CHPF: variants seen among roughly 807,000 people sequenced by gnomAD.
CHPF encodes chondroitin polymerizing factor, also known as chondroitin polymerizing factor, non-catalytic subunit.
A neutral mutation model predicts 55.1 loss-of-function variants in CHPF; 34 were observed. The observed-to-expected ratio is 0.62, with a 90% confidence interval of 0.47 to 0.82. CHPF has a LOEUF of 0.82. Among genes scored for constraint, CHPF ranks in the 40% least tolerant of loss-of-function variants. CHPF has a pLI of 0.00. For missense variants in CHPF, 961 were observed against 1,106.1 expected (o/e 0.87, Z 1.86); for synonymous variants, 489 against 496.6 (o/e 0.98, Z 0.20).
chr2:219,540,663 A>T, intron 3 of CHPF, 21 bp from the exon 4 acceptor site: 1 of 1,566,622 alleles, frequency 6.4e-7, no homozygotes, highest in Admixed American at 1.8e-5. Context: ...GAAACAGGCC[A>T]TCAGCAAGGG....
In CHPF at chr2:219,543,693, C is replaced by G. The variant is rs555212430; in HGVS notation, c.-155G>C. On this transcript the variant is annotated 5_prime_UTR_variant, in exon 1 of 4. Coordinates refer to ENST00000243776, the MANE Select transcript of CHPF (RefSeq NM_024536.6). ...CGCAGAGCAGAGCCAGCGGCCCGAG[C>G]CGAATCCCCGGAGCCGCGCCTCGAT... 1 of 488,640 alleles carries G rather than the reference C, an allele frequency of 2.0e-6. No homozygotes were observed. The highest frequency in any genetic ancestry group is 3.3e-6 in the Non-Finnish European group (1 of 298,886). The allele number at this position is 488,640 out of a possible 1,614,324, so 30.3% of individuals were successfully genotyped here.
rs1695285130 is a variant in CHPF, at chr2:219,542,152, T to C, written c.352A>G (p.Arg118Gly). The change falls in exon 2 of 4, where the codon AGG (arginine) becomes GGG (glycine). Residue 118 changes from arginine to glycine, a missense_variant. Physicochemically the swap from Arg to Gly is moderately radical, Grantham distance 125 (BLOSUM62 -2). Coordinates refer to ENST00000243776, the MANE Select transcript of CHPF (RefSeq NM_024536.6). ...GAGGTCAGCACCGCCACCAGCAGCC[T>C]CTGCCTGATGCCCAGCTCCGTGCTG... Reference protein sequence around the residue: ...YISTELGIRQRLLVAVLTSQT... With the variant: ...YISTELGIRQGLLVAVLTSQT... 6.5e-7 allele frequency: 1 copy of C among 1,534,212 alleles called. No individual in the cohort carries two copies. The highest frequency in any genetic ancestry group is 1.4e-5 in the African/African-American group (1 of 72,676).
rs751248167 is a variant in CHPF, at chr2:219,543,374, G to A, written c.165C>T (p.Asn55=). The part of the protein sequence containing the change: ...PGDSELPPRG[N]TNAARRPNSV... ...AGTTGGGCCGGCGCGCCGCGTTGGT[G>A]TTGCCGCGCGGCGGCAGCTCAGAGT... Residue 55 remains asparagine, a synonymous_variant, in exon 1 of 4, where the codon AAC becomes AAT. Transcript: ENST00000243776. 3 of 1,560,714 alleles carry A rather than the reference G, an allele frequency of 1.9e-6. No homozygotes were observed. Among genetic ancestry groups the A allele is most frequent in the Non-Finnish European group, 2.6e-6 (3 of 1,163,292 alleles).
In CHPF at chr2:219,542,196, G is replaced by C; in HGVS notation, c.315-7C>G. 1 of 1,057,324 alleles carries C rather than the reference G, an allele frequency of 9.5e-7. No homozygotes were observed. Among genetic ancestry groups the C allele is most frequent in the Non-Finnish European group, 1.2e-6 (1 of 838,176 alleles). The allele number at this position is 1,057,324 out of a possible 1,614,324, so 65.5% of individuals were successfully genotyped here. A position where few individuals can be genotyped will look rare whatever the true frequency, so the allele number is the denominator to read the frequency against. On this transcript the variant is annotated splice_polypyrimidine_tract_variant and splice_region_variant and intron_variant, in intron 1 of 3. Transcript: ENST00000243776. ...CGTGCTGATGTAGCGGGTCCTAGGG[G>C]AGGAGATGGCACAAGCTTATCAAAA...
At chr2:219,542,273 G>A in intron 1 of CHPF, 84 bp from the exon 2 acceptor site, 1 of 994,180 alleles carries the variant, frequency 1.0e-6, no homozygotes. Flanking sequence ...ACCCTGGCAG[G>A]TCACGTCTTC....
In CHPF at chr2:219,543,270, G is replaced by C. The variant is rs761060261; in HGVS notation, c.269C>G (p.Pro90Arg). Residue 90 changes from proline (P) to arginine (R), a missense_variant, in exon 1 of 4, where the codon CCC (proline) becomes CGC (arginine). Physicochemically the swap from Pro to Arg is moderately radical, Grantham distance 103 (BLOSUM62 -2). Around this residue, in one of 3 missense-constraint regions of CHPF, gnomAD observed 936 missense variants for 1,058.4 expected, o/e 0.88. Transcript: ENST00000243776. ...CTGGCCGGGCTGTGCAGGGTGGTAG[G>C]GCAAGACGCGCGGCTCCCAATTCTC... ...AGENWEPRVL[P>R]YHPAQPGQAA... 5 of 1,574,620 alleles carry C rather than the reference G, an allele frequency of 3.2e-6. No homozygotes were observed. Among genetic ancestry groups the C allele is most frequent in the African/African-American group, 1.4e-5 (1 of 71,168 alleles).
chr2:219,543,002 A>C (rs940965802), intron 1 of CHPF: 1 of 1,326,534 alleles, frequency 7.5e-7, no homozygotes, highest in Admixed American at 4.0e-5. Context: ...CCGGTTTAGG[A>C]CACAGTCCAG....
chr2:219,543,014 A>G (rs11685912), intron 1 of CHPF: 723,861 of 1,339,290 alleles, frequency 0.54, 199,130 homozygotes, highest in South Asian at 0.74. Context: ...ACAGTCCAGT[A>G]AGTTCAGCCC....
chr2:219,543,621 G>A lies in CHPF; in HGVS notation c.-83C>T, dbSNP rs1179928784. The A allele has an allele frequency of 5.3e-6, 6 of 1,135,620 alleles. No individual in the cohort carries two copies. The highest frequency in any genetic ancestry group is 6.8e-6 in the Non-Finnish European group (6 of 881,100). 70.3% of individuals were successfully genotyped at this position (1,135,620 alleles called of 1,614,324 possible). A position where few individuals can be genotyped will look rare whatever the true frequency, so the allele number is the denominator to read the frequency against. ...TCCGAGGGGGCGGGACCGGGGAGGG[G>A]GCGGATCCGGAGGGCTCGGGCCCCG... On this transcript the variant is annotated 5_prime_UTR_variant, in exon 1 of 4. Coordinates refer to ENST00000243776, the MANE Select transcript of CHPF (RefSeq NM_024536.6).
Position 219,539,662 on chromosome 2 carries a change from G to A in CHPF, c.2049C>T (p.Asp683=), listed in dbSNP as rs1695220208. Residue 683 remains aspartate (D), a synonymous_variant, in exon 4 of 4, where the codon GAC becomes GAT. Transcript: ENST00000243776. The part of the protein sequence containing the change: ...AASEACFYNS[D]YVAARGRLAA... ...CCAGGCGCCCACGGGCTGCCACATA[G>A]TCGGAGTTGTAGAAGCAGGCCTCGC... 1 of 1,613,422 alleles carries A rather than the reference G, an allele frequency of 6.2e-7. No individual in the cohort carries two copies. Among genetic ancestry groups the A allele is most frequent in the South Asian group, 1.1e-5 (1 of 91,094 alleles).
chr2:219,543,294 TC>T lies in CHPF; in HGVS notation c.244del (p.Glu82ArgfsTer43). 6.4e-7 allele frequency: 1 copy of T among 1,573,696 alleles called. No homozygotes were observed. Among genetic ancestry groups the T allele is most frequent in the Non-Finnish European group, 8.5e-7 (1 of 1,169,600 alleles). ...EKPGAGEGAG[E>X]NWEPRVLPYH... ...GGGCAAGACGCGCGGCTCCCAATTC[TC>T]CCCGGCGCCTTCGCCGGCCCCGGGC... On this transcript the variant is annotated frameshift_variant, in exon 1 of 4. Coordinates refer to ENST00000243776, the MANE Select transcript of CHPF (RefSeq NM_024536.6). LOFTEE classifies it high-confidence loss of function.
rs985675686 is a variant in CHPF, at chr2:219,543,630, G to T, written c.-92C>A. 2 of 1,026,022 alleles carry T rather than the reference G, an allele frequency of 1.9e-6. No individual in the cohort carries two copies. Among genetic ancestry groups the T allele is most frequent in the Non-Finnish European group, 2.6e-6 (2 of 783,076 alleles). 63.6% of individuals were successfully genotyped at this position (1,026,022 alleles called of 1,614,324 possible). A position where few individuals can be genotyped will look rare whatever the true frequency, so the allele number is the denominator to read the frequency against. Reference sequence around the variant, plus strand: ...GCGGGACCGGGGAGGGGGCGGATCCGGAGGGCTCGGGCCCCGCGGGCGGGC... The same window carrying T: ...GCGGGACCGGGGAGGGGGCGGATCCTGAGGGCTCGGGCCCCGCGGGCGGGC... On this transcript the variant is annotated 5_prime_UTR_variant, in exon 1 of 4. Coordinates refer to ENST00000243776, the MANE Select transcript of CHPF (RefSeq NM_024536.6).
Position 219,539,838 on chromosome 2 carries a change from G to T in CHPF, c.1873C>A (p.Leu625Met). The change falls in exon 4 of 4, where the codon CTG becomes ATG. Residue 625 changes from leucine (L) to methionine (M), a missense_variant. Coordinates refer to ENST00000243776, the MANE Select transcript of CHPF (RefSeq NM_024536.6). ...ATGGCATGCATGCGGCAGCGGTTCAGGAAGTCAGGCGTGAGCACCGTGTCT... is the reference window on the plus strand; with the variant it reads ...ATGGCATGCATGCGGCAGCGGTTCATGAAGTCAGGCGTGAGCACCGTGTCT... ...GPDTVLTPDF[L>M]NRCRMHAISG... 6.2e-7 allele frequency: 1 copy of T among 1,613,634 alleles called. No homozygotes were observed. Among genetic ancestry groups the T allele is most frequent in the Non-Finnish European group, 8.5e-7 (1 of 1,180,036 alleles).
Position 219,540,123 on chromosome 2 carries a change from C to A in CHPF, c.1588G>T (p.Ala530Ser). ...TCACCAGGCTCCAGTGCTGCAGTGGCAAAGGCCTCCAAGAAGCCAGGGGCC... is the reference window on the plus strand; with the variant it reads ...TCACCAGGCTCCAGTGCTGCAGTGGAAAAGGCCTCCAAGAAGCCAGGGGCC... ...DLAPGFLEAF[A>S]TAALEPGDAA... Residue 530 changes from alanine to serine, a missense_variant, in exon 4 of 4, where the codon GCC becomes TCC. By Grantham distance (99) the Ala-to-Ser change is moderately conservative. This residue lies in a region of CHPF where 936 missense variants were observed against 1,058.4 expected (regional missense o/e 0.88). Transcript: ENST00000243776. 1 of 1,600,562 alleles carries A rather than the reference C, an allele frequency of 6.2e-7. No homozygotes were observed. The highest frequency in any genetic ancestry group is 8.5e-7 in the Non-Finnish European group (1 of 1,174,072).
rs1365353175 is a variant in CHPF at position 219,540,308 on chromosome 2, T to C, written c.1403A>G (p.Gln468Arg). The C allele has an allele frequency of 1.7e-5, 28 of 1,613,806 alleles. No homozygotes were observed. Among genetic ancestry groups the C allele is most frequent in the African/African-American group, 2.7e-5 (2 of 74,926 alleles). ...TCCCTGGGGGGTCAGTGCCTCCAGCTGCAAGTCCAGCGTGTATTCCATACC... is the reference window on the plus strand; with the variant it reads ...TCCCTGGGGGGTCAGTGCCTCCAGCCGCAAGTCCAGCGTGTATTCCATACC... ...ARGMEYTLDL[Q>R]LEALTPQGGR... The change falls in exon 4 of 4, where the codon CAG becomes CGG. Residue 468 changes from glutamine (Q) to arginine (R), a missense_variant. This residue lies in a region of CHPF where 936 missense variants were observed against 1,058.4 expected (regional missense o/e 0.88). Transcript: ENST00000243776.
Position 219,541,581 on chromosome 2 carries a change from C to T in CHPF, c.888+35G>A. 2.0e-6 allele frequency: 3 copies of T among 1,487,298 alleles called. No homozygotes were observed. In the Middle Eastern group the frequency reaches 5.4e-4, roughly 266 times the overall value. The allele number at this position is 1,487,298 out of a possible 1,614,324, so 92.1% of individuals were successfully genotyped here. A position where few individuals can be genotyped will look rare whatever the true frequency, so the allele number is the denominator to read the frequency against. On this transcript the variant is annotated intron_variant, in intron 2 of 3. Transcript: ENST00000243776. ...GCCTCTCAGAGGGATTTGAACATGA[C>T]AAGGAGGTATCAGTGGGATAGCTTA...
chr2:219,540,350 C>A lies in CHPF; in HGVS notation c.1361G>T (p.Arg454Leu). 6.2e-7 allele frequency: 1 copy of A among 1,613,994 alleles called. No homozygotes were observed. The highest frequency in any genetic ancestry group is 8.5e-7 in the Non-Finnish European group (1 of 1,179,986). Residue 454 changes from arginine to leucine, a missense_variant, in exon 4 of 4, where the codon CGC becomes CTC. Around this residue, in one of 3 missense-constraint regions of CHPF, gnomAD observed 936 missense variants for 1,058.4 expected, o/e 0.88. Transcript: ENST00000243776. The part of the protein sequence containing the change: ...QKQQLVNGYR[R>L]FDPARGMEYT... ...TTCCATACCCCGGGCCGGATCAAAG[C>A]GTCGGTAGCCATTCACCAGCTGCTG...
chr2:219,541,291 G>A (rs948093205), intron 2 of CHPF, among the ~76,000 whole-genome samples, 166 bp from the exon 3 acceptor site: 3 of 152,194 alleles, frequency 2.0e-5, no homozygotes, highest in Non-Finnish European at 2.9e-5. Context: ...GCATGCCTCC[G>A]CTAGCTCATC....
At position 219,543,566 on chromosome 2, in the gene CHPF, C is replaced by G; in HGVS notation, c.-28G>C. The G allele has an allele frequency of 7.6e-7, 1 of 1,321,356 alleles. No homozygotes were observed. The highest frequency in any genetic ancestry group is 9.6e-7 in the Non-Finnish European group (1 of 1,039,258). 81.9% of individuals were successfully genotyped at this position (1,321,356 alleles called of 1,614,324 possible). The stretch of plus-strand genomic sequence containing the variant: ...CGCCCGGACCGCGGGTCCCCGGCCC[C>G]GGCGAACCCCCAGAGCAGCCAGAGG... On this transcript the variant is annotated 5_prime_UTR_variant, in exon 1 of 4. Transcript: ENST00000243776.
Sources: allele counts gnomAD v4.1 joint callset (sites outside exome capture counted in the v4.1 genomes callset), GRCh38; gene constraint gnomAD v4.1.1; regional missense constraint gnomAD v4.1.1; transcripts MANE v1.5; gene names NCBI Gene and HGNC (gene_info 2026-07-23, HGNC 2026-07-21).